The following SYN2 variants were observed in gnomAD, a reference collection of about 807,000 sequenced individuals.
SYN2 encodes synapsin-2.
A neutral mutation model predicts 50.9 loss-of-function variants in SYN2; 19 were observed. That is an observed-to-expected ratio of 0.37 (90% confidence interval 0.26 to 0.55). SYN2 has a LOEUF of 0.55. Ranked by LOEUF, SYN2 falls within the 20% of genes least tolerant of loss-of-function variation. SYN2 has a pLI of 0.81. For synonymous variants in SYN2, 255 were observed against 224.9 expected, an observed-to-expected ratio of 1.13 and a Z score of -1.20; for missense variants, 587 against 576.4, an observed-to-expected ratio of 1.02 and a Z score of -0.19.
rs1393025801 is a variant in SYN2 at position 12,167,281 on chromosome 3, T to C, written c.1028T>C (p.Met343Thr). 6.2e-7 allele frequency: 1 copy of C among 1,612,986 alleles called. No homozygotes were observed. The highest frequency in any genetic ancestry group is 1.1e-5 in the South Asian group (1 of 90,516). The change falls in exon 8 of 13, where the codon ATG becomes ACG. Residue 343 changes from methionine (M) to threonine (T), a missense_variant. By Grantham distance (81) the Met-to-Thr change is moderately conservative (BLOSUM62 -1). Coordinates refer to ENST00000621198, the MANE Select transcript of SYN2 (RefSeq NM_133625.6). ...TGGAAGACGAACACTGGCTCTGCGA[T>C]GCTGGAGCAGATTGCCATGTCAGAC... ...GNWKTNTGSAMLEQIAMSDRY... is the reference protein window; with the variant it reads ...GNWKTNTGSATLEQIAMSDRY...
intron 8 of SYN2, 39 bp downstream of exon 8, chr3:12,167,347 G>C (rs1304675751): frequency 6.3e-7 from 1 of 1,581,700 alleles, no homozygotes; most frequent in South Asian, 1.1e-5. Flanking sequence ...AGCCCAGTGA[G>C]AGGGAGGCTT....
intron 5 of SYN2, chr3:12,159,197 G>T: frequency 3.8e-6 from 1 of 259,820 alleles, no homozygotes; most frequent in East Asian, 8.0e-5. Flanking sequence ...AATGCATGAG[G>T]ACAGAAAAAC....
intron 5 of SYN2, chr3:12,153,398 GC>G: frequency 8.3e-7 from 1 of 1,208,610 alleles, no homozygotes; most frequent in Non-Finnish European, 1.2e-6. Flanking sequence ...TGTCCACTTG[GC>G]ACTTCTTATT....
intron 3 of SYN2, among the ~76,000 whole-genome samples, chr3:12,144,158 G>A (rs1264849033): frequency 2.6e-5 from 4 of 152,216 alleles, no homozygotes; most frequent in Non-Finnish European, 4.4e-5. Flanking sequence ...AACAGGGGCC[G>A]TGGTCCTCTG....
intron 1 of SYN2, among the ~76,000 whole-genome samples, chr3:12,081,592 T>G (rs1037111132): frequency 6.6e-6 from 1 of 152,220 alleles, no homozygotes; most frequent in Non-Finnish European, 1.5e-5. Context: ...TTTTGTATGT[T>G]TCTGGGGTTA....
At chr3:12,005,970 T>G (rs1693793887) in intron 1 of SYN2, among the ~76,000 whole-genome samples, 1 of 151,128 alleles carries the variant, frequency 6.6e-6, no homozygotes, top group Non-Finnish European at 1.5e-5. Flanking sequence ...GGGTGCCTTT[T>G]CTCCAGGAAT....
chr3:12,173,396 C>T (rs1418613085), intron 10 of SYN2, among the ~76,000 whole-genome samples: 2 of 152,196 alleles, frequency 1.3e-5, no homozygotes, highest in African/African-American at 4.8e-5. Flanking sequence ...TCTGCACCTC[C>T]ACCCACATGA....
At chr3:12,119,322 A>G (rs1696502206) in intron 1 of SYN2, among the ~76,000 whole-genome samples, 1 of 151,974 alleles carries the variant, frequency 6.6e-6, no homozygotes. Context: ...AGCTCTTTTG[A>G]ACTGAGCTTC....
intron 1 of SYN2, among the ~76,000 whole-genome samples, chr3:12,012,745 ACTCAT>A (rs1693942339): frequency 6.6e-6 from 1 of 151,844 alleles, no homozygotes; most frequent in Non-Finnish European, 1.5e-5. Flanking sequence ...GTTGAAAAAG[ACTCAT>A]CTCTTGTCTT....
In SYN2 at chr3:12,145,852, T is replaced by C. The variant is rs1401434692; in HGVS notation, c.684+17T>C. 1.2e-6 allele frequency: 2 copies of C among 1,612,746 alleles called. No homozygotes were observed. Among genetic ancestry groups the C allele is most frequent in the Non-Finnish European group, 1.7e-6 (2 of 1,179,422 alleles). The stretch of plus-strand genomic sequence containing the variant: ...CCATGGGTGGTGAGTGAGGCCCCCT[T>C]CCCCCAAGTAAAAGGGTAGGATTCA... On this transcript the variant is annotated intron_variant, in intron 4 of 12. Transcript: ENST00000621198.
intron 10 of SYN2, among the ~76,000 whole-genome samples, chr3:12,181,650 G>T (rs746739631): frequency 1.6e-4 from 25 of 152,240 alleles, no homozygotes; most frequent in Non-Finnish European, 3.2e-4. Context: ...ATTTAGAGAA[G>T]TTAAGAGACA....
chr3:12,083,037 A>G (rs1695614994), intron 1 of SYN2, among the ~76,000 whole-genome samples: 1 of 152,052 alleles, frequency 6.6e-6, no homozygotes, highest in African/African-American at 2.4e-5. Context: ...CCCGAGACTG[A>G]GTCTCACTCT....
chr3:12,047,164 AGT>A (rs1301006868), intron 1 of SYN2, among the ~76,000 whole-genome samples: 4 of 152,188 alleles, frequency 2.6e-5, no homozygotes, highest in African/African-American at 9.7e-5. Flanking sequence ...AATACTTAAT[AGT>A]GTGAGTTTCC....
chr3:12,169,546 G>T (rs795011), intron 9 of SYN2, among the ~76,000 whole-genome samples: 96,334 of 151,926 alleles, frequency 0.63, 33,420 homozygotes, highest in South Asian at 0.79. Context: ...CACGGGTAAA[G>T]CTTGGGGAAA....
intron 1 of SYN2, among the ~76,000 whole-genome samples, chr3:12,078,953 A>G (rs1087692): frequency 0.82 from 125,106 of 152,078 alleles, 51,820 homozygotes; most frequent in Middle Eastern, 0.93. Flanking sequence ...ATGTTTTTCC[A>G]TTTGTTTGTG....
intron 11 of SYN2, chr3:12,185,689 G>T: frequency 1.0e-6 from 1 of 985,814 alleles, no homozygotes; most frequent in African/African-American, 1.7e-5. Flanking sequence ...TGTGACTCTT[G>T]TACAGCTTAA....
At position 12,069,209 on chromosome 3, in the gene SYN2, C is replaced by T. The variant is rs532295114; in HGVS notation, c.377+64281C>T. Among the ~76,000 whole-genome samples the T allele has an allele frequency of 1.9e-4, 29 of 150,958 alleles. No homozygotes were observed. In the South Asian group the frequency reaches 5.2e-3, roughly 27 times the overall value. On this transcript the variant is annotated intron_variant, in intron 1 of 12. Transcript: ENST00000621198. ...TTCCACTTTTTGGCCGTATGAATAA[C>T]GCTGCCATGAACATTTGTGTACAAA...
At chr3:12,176,154 C>G (rs542553614) in intron 10 of SYN2, among the ~76,000 whole-genome samples, 46 of 152,268 alleles carry the variant, frequency 3.0e-4, no homozygotes, top group Admixed American at 2.3e-3. Flanking sequence ...TTAGGGGTCT[C>G]TTGTCTAGGA....
chr3:12,164,709 A>G (rs1416453868), intron 7 of SYN2, among the ~76,000 whole-genome samples: 1 of 152,162 alleles, frequency 6.6e-6, no homozygotes, highest in East Asian at 1.9e-4. Flanking sequence ...CTTTGCTCCC[A>G]CATGCCCCAG....
Sources: allele counts gnomAD v4.1 joint callset (sites outside exome capture counted in the v4.1 genomes callset), GRCh38; gene constraint gnomAD v4.1.1; transcripts MANE v1.5; gene names NCBI Gene and HGNC (gene_info 2026-07-23, HGNC 2026-07-21).